The following GRID2 variants were observed in gnomAD, a reference collection of about 807,000 sequenced individuals.
GRID2 encodes glutamate ionotropic receptor delta type subunit 2.
Under a neutral mutation model 114.8 loss-of-function variants are expected in GRID2, and 33 were observed. That is an observed-to-expected ratio of 0.29 (90% confidence interval 0.22 to 0.38). The LOEUF is 0.38. Ranked by LOEUF, GRID2 falls within the 10% of genes least tolerant of loss-of-function variation. The probability of loss-of-function intolerance (pLI) is 1.00; values close to 1 mark genes in which losing one functional copy is unlikely to be tolerated. For missense variants in GRID2, 1,184 were observed against 1,257.7 expected (o/e 0.94, Z 0.89); for synonymous variants, 505 against 449.9 (o/e 1.12, Z -1.55).
chr4:92,891,002 C>T (rs1255191189), intron 2 of GRID2, among the ~76,000 whole-genome samples: 3 of 152,096 alleles, frequency 2.0e-5, no homozygotes, highest in African/African-American at 7.2e-5. Flanking sequence ...TCTCAGCAAA[C>T]TAACACAGGA....
intron 2 of GRID2, among the ~76,000 whole-genome samples, chr4:92,618,824 C>G (rs1244176793): frequency 6.6e-6 from 1 of 151,504 alleles, no homozygotes; most frequent in Non-Finnish European, 1.5e-5. Flanking sequence ...ATTTATTTTT[C>G]AGGTAATTTA....
At chr4:93,075,694 G>T (rs1729203097) in intron 2 of GRID2, among the ~76,000 whole-genome samples, 1 of 151,790 alleles carries the variant, frequency 6.6e-6, no homozygotes, top group Non-Finnish European at 1.5e-5. Flanking sequence ...TAAAATAAAA[G>T]TACCACTTAA....
At chr4:93,792,483 T>C (rs535104679) in intron 1 of GRID2, among the ~76,000 whole-genome samples, 1 of 152,282 alleles carries the variant, frequency 6.6e-6, no homozygotes, top group East Asian at 1.9e-4. Flanking sequence ...TGCAAAATTA[T>C]GAATTGACCA....
At chr4:93,206,010 T>A (rs1451337558) in intron 4 of GRID2, among the ~76,000 whole-genome samples, 2 of 152,114 alleles carry the variant, frequency 1.3e-5, no homozygotes, top group African/African-American at 4.8e-5. Flanking sequence ...GCATGGCATG[T>A]GTATACATAT....
At chr4:92,387,389 A>G (rs1008966802) in intron 1 of GRID2, among the ~76,000 whole-genome samples, 1 of 151,992 alleles carries the variant, frequency 6.6e-6, no homozygotes, top group East Asian at 1.9e-4. Context: ...GCATAAAATA[A>G]GAGCCAGCAA....
chr4:93,193,234 T>A (rs1741159756), intron 4 of GRID2, among the ~76,000 whole-genome samples: 1 of 152,090 alleles, frequency 6.6e-6, no homozygotes, highest in Non-Finnish European at 1.5e-5. Flanking sequence ...TGTCAGCCCA[T>A]CTCCTTGGGT....
chr4:92,942,767 GT>G (rs1308088081), intron 2 of GRID2, among the ~76,000 whole-genome samples: 9 of 152,128 alleles, frequency 5.9e-5, no homozygotes, highest in Non-Finnish European at 1.2e-4. Context: ...CAGGCCTGGT[GT>G]TGACAAAATC....
chr4:92,501,958 A>G (rs1723705645), intron 1 of GRID2, among the ~76,000 whole-genome samples: 1 of 151,934 alleles, frequency 6.6e-6, no homozygotes, highest in African/African-American at 2.4e-5. Flanking sequence ...AAATTTTTAA[A>G]CTTACTTTCC....
At chr4:93,618,654 G>GAATCTAA (rs1741931442) in intron 13 of GRID2, among the ~76,000 whole-genome samples, 1 of 152,192 alleles carries the variant, frequency 6.6e-6, no homozygotes, top group East Asian at 1.9e-4. Flanking sequence ...AAATATCTAA[G>GAATCTAA]GAAGGAAGTC....
At chr4:92,707,695 A>G (rs563849632) in intron 2 of GRID2, among the ~76,000 whole-genome samples, 4 of 152,304 alleles carry the variant, frequency 2.6e-5, no homozygotes, top group Admixed American at 2.6e-4. Context: ...GAGTGCCTAA[A>G]ATATTGTGCG....
rs796347920 is a variant in GRID2, at chr4:93,389,780, GT to G, written c.1246-5816del. 9.7e-3 allele frequency among the ~76,000 whole-genome samples: 1,422 copies of G among 147,210 alleles called. 17 individuals carry two copies. The highest frequency in any genetic ancestry group is 0.032 in the African/African-American group (1,299 of 40,412). ...TTGCATTCCCTGTGTGTTGAAGCAA[GT>G]TTTTTTTTTTCTTTTTTTTTTCTTT... On this transcript the variant is annotated intron_variant, in intron 8 of 15. Coordinates refer to ENST00000282020, the MANE Select transcript of GRID2 (RefSeq NM_001510.4).
chr4:92,832,323 C>T (rs1331795004), intron 2 of GRID2, among the ~76,000 whole-genome samples: 1 of 151,944 alleles, frequency 6.6e-6, no homozygotes, highest in Non-Finnish European at 1.5e-5. Flanking sequence ...TGTGGTGATA[C>T]CTGCCTGTAA....
At chr4:92,318,134 A>G (rs544132109) in intron 1 of GRID2, among the ~76,000 whole-genome samples, 5 of 152,036 alleles carry the variant, frequency 3.3e-5, no homozygotes, top group African/African-American at 1.2e-4. Flanking sequence ...GGAACTGTGA[A>G]GCACATGACA....
At chr4:93,388,926 T>C (rs1314564689) in intron 8 of GRID2, among the ~76,000 whole-genome samples, 1 of 152,174 alleles carries the variant, frequency 6.6e-6, no homozygotes, top group Admixed American at 6.5e-5. Context: ...CTTAGAGATA[T>C]CTGAGCTCCC....
intron 1 of GRID2, among the ~76,000 whole-genome samples, chr4:93,783,246 T>C (rs1162404935): frequency 1.3e-5 from 2 of 152,178 alleles, no homozygotes; most frequent in Non-Finnish European, 2.9e-5. Flanking sequence ...ACCCTGTAAG[T>C]TTGCTATTGT....
intron 8 of GRID2, among the ~76,000 whole-genome samples, chr4:93,316,852 A>G (rs1756711081): frequency 6.6e-6 from 1 of 152,072 alleles, no homozygotes; most frequent in African/African-American, 2.4e-5. Context: ...CTTTCAAACT[A>G]TTTCTGAGTA....
At chr4:92,586,935 C>T (rs1236953544) in intron 1 of GRID2, among the ~76,000 whole-genome samples, 1 of 151,868 alleles carries the variant, frequency 6.6e-6, no homozygotes, top group Non-Finnish European at 1.5e-5. Flanking sequence ...GCCTTTATTT[C>T]TCCCCCCATA....
At chr4:93,116,705 C>A (rs1346686381) in intron 4 of GRID2, among the ~76,000 whole-genome samples, 1 of 151,780 alleles carries the variant, frequency 6.6e-6, no homozygotes, top group African/African-American at 2.4e-5. Context: ...TTCTTAGTTT[C>A]CGGCCTTGCT....
At chr4:92,687,126 T>G (rs957533296) in intron 2 of GRID2, among the ~76,000 whole-genome samples, 2 of 152,128 alleles carry the variant, frequency 1.3e-5, no homozygotes, top group Non-Finnish European at 2.9e-5. Context: ...CTTTTGAGAT[T>G]TAAGCAAAAT....
Sources: allele counts gnomAD v4.1 joint callset (sites outside exome capture counted in the v4.1 genomes callset), GRCh38; gene constraint gnomAD v4.1.1; transcripts MANE v1.5; gene names NCBI Gene and HGNC (gene_info 2026-07-23, HGNC 2026-07-21).